Variants in PDE3A observed in about 807,000 individuals in gnomAD.
The protein encoded by PDE3A is phosphodiesterase 3A.
PDE3A carries 43 observed loss-of-function variants against 98.3 expected under a neutral mutation model. The ratio of observed to expected loss-of-function variants is 0.44; its 90% CI spans 0.34 to 0.56. The LOEUF (loss-of-function observed/expected upper bound fraction) is 0.56. PDE3A is among the 20% of genes least tolerant of loss of function. The pLI, the probability that PDE3A is intolerant of heterozygous loss-of-function variation, is 0.01. For synonymous variants in PDE3A, 663 were observed against 567.9 expected, an observed-to-expected ratio of 1.17 and a Z score of -2.38; for missense variants, 1,427 against 1,440.7, an observed-to-expected ratio of 0.99 and a Z score of 0.15.
chr12:20,482,049 C>T lies in PDE3A; in HGVS notation c.961-74611C>T, dbSNP rs79129826. ...AAAGTGCTAGGATTACAGGCGTGAG[C>T]CACCACGCTCAGCGAGAAATAGATA... On this transcript the variant is annotated intron_variant, in intron 1 of 15. Coordinates refer to ENST00000359062, the MANE Select transcript of PDE3A (RefSeq NM_000921.5). 8.0e-3 allele frequency among the ~76,000 whole-genome samples: 1,224 copies of T among 152,126 alleles called. 15 individuals are homozygous for T. The highest frequency in any genetic ancestry group is 0.028 in the African/African-American group (1,175 of 41,496).
intron 1 of PDE3A, among the ~76,000 whole-genome samples, chr12:20,403,670 AAGG>A (rs964538256): frequency 3.9e-5 from 6 of 152,172 alleles, no homozygotes; most frequent in Admixed American, 2.0e-4. Context: ...CGTGATGAAA[AAGG>A]AGAATTTAGA....
intron 2 of PDE3A, among the ~76,000 whole-genome samples, chr12:20,577,165 T>G (rs766790489): frequency 6.6e-5 from 10 of 152,132 alleles, no homozygotes; most frequent in Non-Finnish European, 1.5e-4. Flanking sequence ...AAGAGTTTTC[T>G]AATTTTAAAG....
intron 2 of PDE3A, among the ~76,000 whole-genome samples, chr12:20,583,601 T>A (rs1357857770): frequency 6.6e-6 from 1 of 152,162 alleles, no homozygotes; most frequent in Non-Finnish European, 1.5e-5. Context: ...ACTTAAACTC[T>A]ATGAGCTAAT....
At chr12:20,604,825 T>A (rs998368526) in intron 2 of PDE3A, among the ~76,000 whole-genome samples, 5 of 152,214 alleles carry the variant, frequency 3.3e-5, no homozygotes, top group Non-Finnish European at 1.5e-5. Context: ...ATGTGTCCAC[T>A]GAAGTGACTG....
intron 1 of PDE3A, among the ~76,000 whole-genome samples, chr12:20,488,321 G>T (rs546021133): frequency 6.6e-6 from 1 of 152,202 alleles, no homozygotes; most frequent in South Asian, 2.1e-4. Flanking sequence ...TTTGAAAAAA[G>T]CATATGACAG....
At chr12:20,609,526 G>C (rs1363531166) in intron 2 of PDE3A, among the ~76,000 whole-genome samples, 2 of 151,958 alleles carry the variant, frequency 1.3e-5, no homozygotes, top group African/African-American at 4.8e-5. Context: ...TCGCAATGGT[G>C]TCTTCACAGA....
chr12:20,407,037 G>C (rs1188389845), intron 1 of PDE3A, among the ~76,000 whole-genome samples: 1 of 152,100 alleles, frequency 6.6e-6, no homozygotes, highest in African/African-American at 2.4e-5. Flanking sequence ...TCTCTGTTCT[G>C]TTCTATTGGT....
chr12:20,661,581 C>T (rs1035489039), intron 15 of PDE3A, among the ~76,000 whole-genome samples: 1 of 152,150 alleles, frequency 6.6e-6, no homozygotes, highest in Non-Finnish European at 1.5e-5. Flanking sequence ...ACTTGGTTCC[C>T]TGCATCCCAA....
At chr12:20,488,910 G>C (rs1945779578) in intron 1 of PDE3A, among the ~76,000 whole-genome samples, 1 of 150,948 alleles carries the variant, frequency 6.6e-6, no homozygotes, top group Admixed American at 6.6e-5. Context: ...AAAAGAAGCA[G>C]TTCCCCTAAT....
intron 1 of PDE3A, among the ~76,000 whole-genome samples, chr12:20,458,770 T>A (rs901476019): frequency 2.0e-5 from 3 of 152,146 alleles, no homozygotes; most frequent in Non-Finnish European, 4.4e-5. Context: ...AACACAGAGC[T>A]ATTCCAGTGA....
chr12:20,436,649 A>G (rs192637788), intron 1 of PDE3A, among the ~76,000 whole-genome samples: 81 of 152,348 alleles, frequency 5.3e-4, no homozygotes, highest in African/African-American at 1.9e-3. Flanking sequence ...GAAGTGAATA[A>G]GGGCTGCCTT....
chr12:20,502,679 A>C (rs1218442489), intron 1 of PDE3A, among the ~76,000 whole-genome samples: 1 of 152,198 alleles, frequency 6.6e-6, no homozygotes, highest in African/African-American at 2.4e-5. Flanking sequence ...AACATCATCC[A>C]ATCTAACCTT....
chr12:20,439,706 G>A (rs999585325), intron 1 of PDE3A, among the ~76,000 whole-genome samples: 1 of 152,118 alleles, frequency 6.6e-6, no homozygotes, highest in African/African-American at 2.4e-5. Context: ...CAAAATGTTT[G>A]CAAAGTACAA....
At chr12:20,532,355 T>TAA (rs1941624966) in intron 1 of PDE3A, among the ~76,000 whole-genome samples, 1 of 15,086 alleles carries the variant, frequency 6.6e-5, no homozygotes, top group African/African-American at 1.2e-4. Flanking sequence ...TTTTAAATCA[T>TAA]GTAATTTATG....
At chr12:20,597,103 C>T (rs1943483973) in intron 2 of PDE3A, among the ~76,000 whole-genome samples, 1 of 152,074 alleles carries the variant, frequency 6.6e-6, no homozygotes, top group East Asian at 1.9e-4. Context: ...AAAGTCACTC[C>T]CTTTACAATG....
intron 1 of PDE3A, among the ~76,000 whole-genome samples, chr12:20,390,135 G>T (rs1943886013): frequency 6.6e-6 from 1 of 151,898 alleles, no homozygotes; most frequent in African/African-American, 2.4e-5. Flanking sequence ...CCCTGCTTTT[G>T]TGCTGAGGAG....
chr12:20,604,105 G>T (rs1004195344), intron 2 of PDE3A, among the ~76,000 whole-genome samples: 1 of 151,950 alleles, frequency 6.6e-6, no homozygotes, highest in Non-Finnish European at 1.5e-5. Context: ...GGAGGCGGAG[G>T]TGGCAGTGAG....
At chr12:20,564,334 G>A (rs558666043) in intron 2 of PDE3A, among the ~76,000 whole-genome samples, 2 of 152,242 alleles carry the variant, frequency 1.3e-5, no homozygotes, top group South Asian at 4.1e-4. Flanking sequence ...ATGGAAGATA[G>A]TAAATAAATA....
At chr12:20,548,879 A>G (rs1385863226) in intron 1 of PDE3A, among the ~76,000 whole-genome samples, 1 of 152,172 alleles carries the variant, frequency 6.6e-6, no homozygotes, top group Non-Finnish European at 1.5e-5. Context: ...TCTTTGAAAT[A>G]ATATCAACAT....
Sources: gnomAD v4.1 joint callset for allele counts (sites outside exome capture counted in the v4.1 genomes callset) on GRCh38, gnomAD v4.1.1 for gene constraint, MANE v1.5 for transcripts, NCBI Gene and HGNC (gene_info 2026-07-23, HGNC 2026-07-21) for gene names.